PTPRM: variants seen among roughly 807,000 people sequenced by gnomAD.
The protein encoded by PTPRM is protein tyrosine phosphatase receptor type M.
A neutral mutation model predicts 186.7 loss-of-function variants in PTPRM; 47 were observed. That is an observed-to-expected ratio of 0.25 (90% CI 0.20 to 0.32). The LOEUF (loss-of-function observed/expected upper bound fraction) is 0.32. Among genes scored for constraint, PTPRM ranks in the 10% least tolerant of loss-of-function variants. The pLI, the probability that PTPRM is intolerant of heterozygous loss-of-function variation, is 1.00. For missense variants in PTPRM, 1,494 were observed against 1,865.0 expected (o/e 0.80, Z 3.66); for synonymous variants, 668 against 674.9 (o/e 0.99, Z 0.16).
chr18:7,854,607 G>T (rs572732047), intron 2 of PTPRM, among the ~76,000 whole-genome samples: 2 of 152,194 alleles, frequency 1.3e-5, no homozygotes, highest in South Asian at 4.2e-4. Flanking sequence ...TTTAAAGATG[G>T]ATCTTGTATC....
At chr18:8,234,304 G>T (rs1438395809) in intron 14 of PTPRM, among the ~76,000 whole-genome samples, 1 of 152,056 alleles carries the variant, frequency 6.6e-6, no homozygotes, top group African/African-American at 2.4e-5. Flanking sequence ...GTACGTATTT[G>T]TTAGATTTAT....
intron 32 of PTPRM, chr18:8,404,385 G>A (rs1460158982): frequency 6.6e-6 from 1 of 152,346 alleles, no homozygotes; most frequent in East Asian, 1.9e-4. Context: ...CAGTACATGT[G>A]TATTGAGTTG....
At chr18:8,243,550 G>A (rs1417928434) in intron 14 of PTPRM, among the ~76,000 whole-genome samples, 2 of 152,106 alleles carry the variant, frequency 1.3e-5, no homozygotes, top group Non-Finnish European at 2.9e-5. Flanking sequence ...CCAATTATAC[G>A]TTCTTGACTC....
At chr18:7,650,625 A>G (rs1275679929) in intron 1 of PTPRM, among the ~76,000 whole-genome samples, 1 of 152,144 alleles carries the variant, frequency 6.6e-6, no homozygotes, top group Admixed American at 6.6e-5. Context: ...ATACATTCTT[A>G]TTCCTAGAAG....
chr18:7,898,209 T>C (rs1039680443), intron 3 of PTPRM, among the ~76,000 whole-genome samples: 1 of 152,196 alleles, frequency 6.6e-6, no homozygotes, highest in African/African-American at 2.4e-5. Flanking sequence ...TGTAAATGGG[T>C]GTGACCCACC....
chr18:8,346,167 T>G (rs1381478369), intron 23 of PTPRM, among the ~76,000 whole-genome samples: 1 of 152,128 alleles, frequency 6.6e-6, no homozygotes, highest in Non-Finnish European at 1.5e-5. Flanking sequence ...TAGAAGAGGG[T>G]GCTGGGCCTC....
At chr18:7,923,883 A>G (rs1271352139) in intron 4 of PTPRM, among the ~76,000 whole-genome samples, 1 of 152,212 alleles carries the variant, frequency 6.6e-6, no homozygotes, top group South Asian at 2.1e-4. Context: ...GGGGATCTGA[A>G]TGGGTCCCCG....
At chr18:7,984,510 T>A (rs1379503327) in intron 7 of PTPRM, among the ~76,000 whole-genome samples, 2 of 147,742 alleles carry the variant, frequency 1.4e-5, no homozygotes, top group East Asian at 2.0e-4. Context: ...TAATATTTTT[T>A]AATTTTTTTA....
At chr18:7,958,306 G>T (rs2053450017) in intron 7 of PTPRM, among the ~76,000 whole-genome samples, 1 of 151,842 alleles carries the variant, frequency 6.6e-6, no homozygotes, top group South Asian at 2.1e-4. Context: ...TACCAGTGCT[G>T]TTTAGGCTTC....
At chr18:8,156,255 G>C (rs2093118885) in intron 14 of PTPRM, among the ~76,000 whole-genome samples, 1 of 152,118 alleles carries the variant, frequency 6.6e-6, no homozygotes, top group Admixed American at 6.5e-5. Flanking sequence ...TTTTAAAGAA[G>C]ATTTTATTTT....
At chr18:7,617,957 G>C (rs1056500875) in intron 1 of PTPRM, among the ~76,000 whole-genome samples, 2 of 152,210 alleles carry the variant, frequency 1.3e-5, no homozygotes, top group African/African-American at 4.8e-5. Context: ...GCTAGAATTA[G>C]CTGTTGGAAT....
intron 2 of PTPRM, among the ~76,000 whole-genome samples, chr18:7,795,810 C>CTTTTTTT (rs397741769): frequency 6.8e-5 from 8 of 117,766 alleles, no homozygotes; most frequent in East Asian, 2.4e-4. Context: ...TTCTTTCTTT[C>CTTTTTTT]TTTTTTTTTT....
intron 1 of PTPRM, among the ~76,000 whole-genome samples, chr18:7,770,022 A>G (rs2042202480): frequency 6.6e-6 from 1 of 152,166 alleles, no homozygotes; most frequent in African/African-American, 2.4e-5. Context: ...CCTGTGAAAC[A>G]TGAATAATTT....
chr18:7,917,485 C>G (rs1016796447), intron 4 of PTPRM, among the ~76,000 whole-genome samples: 9 of 152,066 alleles, frequency 5.9e-5, no homozygotes, highest in Admixed American at 4.6e-4. Context: ...GCAGTGAGCC[C>G]AGCTCGCGCC....
At chr18:7,731,410 G>A (rs1038625277) in intron 1 of PTPRM, among the ~76,000 whole-genome samples, 1 of 152,146 alleles carries the variant, frequency 6.6e-6, no homozygotes, top group Non-Finnish European at 1.5e-5. Flanking sequence ...GGTATTGCAA[G>A]TATTAATTTG....
intron 1 of PTPRM, among the ~76,000 whole-genome samples, chr18:7,607,717 C>G (rs1249962384): frequency 6.6e-6 from 1 of 152,218 alleles, no homozygotes; most frequent in Non-Finnish European, 1.5e-5. Flanking sequence ...TGCTAGGCTG[C>G]TGAGTGCTAA....
chr18:8,400,667 C>T (rs935450857), intron 32 of PTPRM, among the ~76,000 whole-genome samples: 2 of 152,172 alleles, frequency 1.3e-5, no homozygotes, highest in South Asian at 2.1e-4. Context: ...GGATCTGCCG[C>T]ACAGGTTCAG....
At chr18:7,998,276 G>A (rs772317410) in intron 7 of PTPRM, among the ~76,000 whole-genome samples, 3 of 151,902 alleles carry the variant, frequency 2.0e-5, no homozygotes, top group Non-Finnish European at 4.4e-5. Flanking sequence ...AACAAGGCAG[G>A]CACAGAATCA....
At chr18:7,626,554 C>T (rs995143332) in intron 1 of PTPRM, among the ~76,000 whole-genome samples, 1 of 152,158 alleles carries the variant, frequency 6.6e-6, no homozygotes, top group Non-Finnish European at 1.5e-5. Context: ...GACCCTCTCC[C>T]CTCTCCCAGC....
Sources: allele counts gnomAD v4.1 joint callset (sites outside exome capture counted in the v4.1 genomes callset), GRCh38; gene constraint gnomAD v4.1.1; transcripts MANE v1.5; gene names NCBI Gene and HGNC (gene_info 2026-07-23, HGNC 2026-07-21).